Variants in RALGAPA2 observed in about 807,000 individuals in gnomAD.
RALGAPA2 encodes Ral GTPase activating protein catalytic subunit alpha 2.
Under a neutral mutation model 230.4 loss-of-function variants are expected in RALGAPA2, and 139 were observed. The ratio of observed to expected loss-of-function variants is 0.60; its 90% confidence interval spans 0.53 to 0.69. The LOEUF (loss-of-function observed/expected upper bound fraction) is 0.69, where lower values mean the gene tolerates loss of function less well. RALGAPA2 is among the 30% of genes least tolerant of loss of function. The pLI is 0.00. For missense variants in RALGAPA2, 2,163 were observed against 2,276.0 expected, an observed-to-expected ratio of 0.95 and a Z score of 1.01; for synonymous variants, 847 against 837.8, an observed-to-expected ratio of 1.01 and a Z score of -0.19.
chr20:20,447,198 G>A (rs918278978), intron 37 of RALGAPA2, among the ~76,000 whole-genome samples: 28 of 152,334 alleles, frequency 1.8e-4, no homozygotes, highest in Middle Eastern at 3.4e-3. Context: ...GTCTGACTTG[G>A]TGGCAGTATT....
intron 26 of RALGAPA2, 91 bp from the exon 27 acceptor site, chr20:20,531,886 T>C: frequency 7.8e-6 from 8 of 1,029,136 alleles, no homozygotes; most frequent in African/African-American, 1.6e-5. Flanking sequence ...TTAAATCTAT[T>C]TATACAAAAT....
chr20:20,458,301 A>G (rs1251565735), intron 37 of RALGAPA2, among the ~76,000 whole-genome samples: 1 of 151,550 alleles, frequency 6.6e-6, no homozygotes, highest in African/African-American at 2.4e-5. Context: ...CTCTACTATC[A>G]AAACACTCAT....
At chr20:20,624,391 A>G (rs1416619916) in intron 10 of RALGAPA2, among the ~76,000 whole-genome samples, 1 of 151,972 alleles carries the variant, frequency 6.6e-6, no homozygotes, top group Non-Finnish European at 1.5e-5. Context: ...AAAGGACTTA[A>G]GGCATAAGCG....
intron 36 of RALGAPA2, among the ~76,000 whole-genome samples, chr20:20,476,503 T>C (rs1299567881): frequency 2.6e-5 from 4 of 151,760 alleles, no homozygotes; most frequent in Non-Finnish European, 5.9e-5. Flanking sequence ...TGGAGAGCCA[T>C]ATGGAAAAGT....
chr20:20,651,695 CTAA>C, intron 4 of RALGAPA2, among the ~76,000 whole-genome samples: 1 of 152,174 alleles, frequency 6.6e-6, no homozygotes, highest in Non-Finnish European at 1.5e-5. Flanking sequence ...ACACATAGTC[CTAA>C]TAAGTTTATT....
intron 33 of RALGAPA2, among the ~76,000 whole-genome samples, chr20:20,510,114 A>T (rs1256404262): frequency 6.6e-6 from 1 of 152,214 alleles, no homozygotes; most frequent in Non-Finnish European, 1.5e-5. Context: ...AGCCACTGAA[A>T]CACACACAAT....
intron 3 of RALGAPA2, among the ~76,000 whole-genome samples, chr20:20,670,977 AAAC>A (rs745998958): frequency 1.0e-3 from 157 of 151,934 alleles, no homozygotes; most frequent in Non-Finnish European, 2.0e-3. Context: ...AAAATATGAT[AAAC>A]AACTCCATGA....
intron 37 of RALGAPA2, among the ~76,000 whole-genome samples, chr20:20,423,195 G>A (rs1426496034): frequency 6.6e-6 from 1 of 152,172 alleles, no homozygotes; most frequent in Non-Finnish European, 1.5e-5. Context: ...AAAGGGACCT[G>A]AGGAGGAGGG....
intron 23 of RALGAPA2, among the ~76,000 whole-genome samples, chr20:20,555,232 T>C (rs1484031285): frequency 6.6e-6 from 1 of 152,240 alleles, no homozygotes; most frequent in Non-Finnish European, 1.5e-5. Flanking sequence ...CAGCTGACTA[T>C]GGGCTTACGA....
intron 10 of RALGAPA2, among the ~76,000 whole-genome samples, chr20:20,628,375 T>C (rs915737304): frequency 6.6e-6 from 1 of 152,214 alleles, no homozygotes; most frequent in Non-Finnish European, 1.5e-5. Flanking sequence ...TTTTCAGGTC[T>C]ATGGACAAAA....
At position 20,571,957 on chromosome 20, in the gene RALGAPA2, A is replaced by G; in HGVS notation, c.2902-11T>C. 1.3e-6 allele frequency: 2 copies of G among 1,571,448 alleles called. No individual in the cohort carries two copies. Among genetic ancestry groups the G allele is most frequent in the Non-Finnish European group, 1.7e-6 (2 of 1,147,180 alleles). On this transcript the variant is annotated splice_polypyrimidine_tract_variant and intron_variant, in intron 21 of 39. Coordinates refer to ENST00000202677, the MANE Select transcript of RALGAPA2 (RefSeq NM_020343.4). ...TAGATTATCCCGTATCTAATTCACA[A>G]AGAGGAGAATTTTAGGGTAGGTAAC...
At chr20:20,402,704 TGGGAATACATGGC>T (rs1433101148) in intron 38 of RALGAPA2, among the ~76,000 whole-genome samples, 1 of 152,222 alleles carries the variant, frequency 6.6e-6, no homozygotes, top group African/African-American at 2.4e-5. Flanking sequence ...TGCCCAGAGA[TGGGAATACATGGC>T]GAGTAAACTG....
chr20:20,653,536 T>G lies in RALGAPA2; in HGVS notation c.322A>C (p.Ser108Arg). The G allele has an allele frequency of 6.7e-7, 1 of 1,491,686 alleles. No homozygotes were observed. Among genetic ancestry groups the G allele is most frequent in the Non-Finnish European group, 9.1e-7 (1 of 1,096,960 alleles). The allele number at this position is 1,491,686 out of a possible 1,614,324, so 92.4% of individuals were successfully genotyped here. The part of the protein sequence containing the change: ...ERIFFRWHYQ[S>R]IGSTLKKLLH... ...AATTTTTAATTGTTCTTACCTATAC[T>G]CTGGTAATGCCATCGAAAGAAAATT... Residue 108 changes from serine to arginine, a missense_variant, in exon 4 of 40, where the codon AGT becomes CGT. Physicochemically the swap from Ser to Arg is moderately radical, Grantham distance 110. Coordinates refer to ENST00000202677, the MANE Select transcript of RALGAPA2 (RefSeq NM_020343.4).
At chr20:20,569,044 T>C (rs570501996) in intron 23 of RALGAPA2, among the ~76,000 whole-genome samples, 8 of 152,278 alleles carry the variant, frequency 5.3e-5, no homozygotes, top group African/African-American at 1.4e-4. Flanking sequence ...AATTAAAAAA[T>C]TGAATTTAAC....
intron 11 of RALGAPA2, 77 bp from the exon 12 acceptor site, chr20:20,619,491 A>T: frequency 9.5e-7 from 1 of 1,052,498 alleles, no homozygotes; most frequent in Non-Finnish European, 1.2e-6. Flanking sequence ...ATATAATTAA[A>T]TATATTATAT....
intron 37 of RALGAPA2, among the ~76,000 whole-genome samples, chr20:20,458,705 CACACACACCTATATATATATAT>C (rs2061200329): frequency 3.2e-5 from 4 of 125,162 alleles, no homozygotes; most frequent in Admixed American, 2.6e-4. Context: ...TATATATACA[CACACACACCTATATATATATAT>C]ACACACACCT....
chr20:20,539,221 C>A (rs1322577222), intron 24 of RALGAPA2, among the ~76,000 whole-genome samples: 1 of 151,984 alleles, frequency 6.6e-6, no homozygotes, highest in East Asian at 1.9e-4. Flanking sequence ...CTCAGTGGGG[C>A]AGTCCTACCT....
intron 37 of RALGAPA2, among the ~76,000 whole-genome samples, chr20:20,418,738 T>TTATG: frequency 5.6e-5 from 1 of 17,772 alleles, no homozygotes; most frequent in Admixed American, 5.5e-4. Context: ...TTGCTATACA[T>TTATG]TATTTATTTA....
chr20:20,597,277 T>C (rs748161123), intron 16 of RALGAPA2, among the ~76,000 whole-genome samples: 1 of 152,210 alleles, frequency 6.6e-6, no homozygotes, highest in African/African-American at 2.4e-5. Context: ...CTCCAAACAA[T>C]AGCTTTTTTT....
Sources: allele counts gnomAD v4.1 joint callset (sites outside exome capture counted in the v4.1 genomes callset), GRCh38; gene constraint gnomAD v4.1.1; transcripts MANE v1.5; gene names NCBI Gene and HGNC (gene_info 2026-07-23, HGNC 2026-07-21).